The following RBFOX1 variants were observed in gnomAD, a reference collection of about 807,000 sequenced individuals.
RBFOX1 encodes the protein RNA binding fox-1 homolog 1.
In RBFOX1, 8 loss-of-function variants were observed where a neutral mutation model predicts 57.7. The observed-to-expected ratio is 0.14, with a 90% CI of 0.08 to 0.25. RBFOX1 has a LOEUF of 0.25. Ranked by LOEUF, RBFOX1 falls within the 10% of genes least tolerant of loss-of-function variation. The pLI is 1.00. For synonymous variants in RBFOX1, 326 were observed against 222.4 expected (o/e 1.47, Z -4.15); for missense variants, 611 against 548.5 (o/e 1.11, Z -1.14).
downstream of RBFOX1, among the ~76,000 whole-genome samples, chr16:5,603,943 C>T (rs2047463253): frequency 6.8e-6 from 1 of 147,970 alleles, no homozygotes; most frequent in Admixed American, 6.6e-5. Flanking sequence ...CCTCCTATAC[C>T]CAAGGCAGAC....
chr16:6,793,913 A>G (rs2083438605), intron 3 of RBFOX1, among the ~76,000 whole-genome samples: 1 of 152,160 alleles, frequency 6.6e-6, no homozygotes, highest in African/African-American at 2.4e-5. Context: ...CCTCTTGAGC[A>G]GTAGTCCAGG....
intron 4 of RBFOX1, among the ~76,000 whole-genome samples, chr16:7,090,476 C>T (rs961944438): frequency 3.3e-5 from 5 of 152,130 alleles, no homozygotes; most frequent in Non-Finnish European, 5.9e-5. Context: ...GCTTTGGAAT[C>T]GTATCAATTA....
chr16:6,101,218 T>C (rs935633254), intron 1 of RBFOX1, among the ~76,000 whole-genome samples: 2 of 152,198 alleles, frequency 1.3e-5, no homozygotes, highest in African/African-American at 4.8e-5. Flanking sequence ...ACCCACTCTC[T>C]CACTTTCCCC....
intron 3 of RBFOX1, among the ~76,000 whole-genome samples, chr16:6,898,883 A>T (rs562738948): frequency 1.7e-5 from 2 of 117,638 alleles, no homozygotes; most frequent in South Asian, 5.9e-4. Flanking sequence ...ACACGTGTAT[A>T]ATACGTGTGT....
At chr16:5,715,373 G>C (rs1354419911) in intron 3 of RBFOX1, among the ~76,000 whole-genome samples, 1 of 152,020 alleles carries the variant, frequency 6.6e-6, no homozygotes, top group African/African-American at 2.4e-5. Flanking sequence ...ACCATATATT[G>C]TCCACACTTA....
chr16:5,560,011 G>C (rs1454661902), intron 2 of RBFOX1, among the ~76,000 whole-genome samples: 1 of 152,156 alleles, frequency 6.6e-6, no homozygotes, highest in Non-Finnish European at 1.5e-5. Flanking sequence ...TGAAAAACGA[G>C]TGAATTTAGT....
At chr16:5,661,661 C>T (rs950269357) in intron 3 of RBFOX1, among the ~76,000 whole-genome samples, 4 of 152,318 alleles carry the variant, frequency 2.6e-5, no homozygotes, top group South Asian at 2.1e-4. Flanking sequence ...GGTCCTCACC[C>T]GTAGTTAGTT....
intron 4 of RBFOX1, among the ~76,000 whole-genome samples, chr16:7,191,678 T>C (rs534342656): frequency 2.0e-5 from 3 of 152,344 alleles, no homozygotes; most frequent in Admixed American, 6.5e-5. Flanking sequence ...CAGAAGGGCA[T>C]GCTCACGATT....
rs141537628 is a variant in RBFOX1, at chr16:5,528,317, G to A, written c.258+61063G>A. On this transcript the variant is annotated intron_variant, in intron 2 of 2. Transcript: ENST00000585867. ...ATTTCTGGCCCCCACCCTAGAGAGC[G>A]TGACTCAGTAGATCTGGGTTTAGAA... Among the ~76,000 whole-genome samples the A allele has an allele frequency of 5.2e-4, 79 of 152,186 alleles. 1 individual carries two copies. The East Asian group carries it at 0.012, about 24-fold the overall frequency.
At chr16:6,921,592 G>T (rs918221174) in intron 3 of RBFOX1, among the ~76,000 whole-genome samples, 1 of 150,952 alleles carries the variant, frequency 6.6e-6, no homozygotes, top group African/African-American at 2.4e-5. Context: ...AAGCAGTGGA[G>T]AAAGAATAAT....
chr16:6,050,093 G>C (rs2095537486), intron 1 of RBFOX1, among the ~76,000 whole-genome samples: 1 of 151,758 alleles, frequency 6.6e-6, no homozygotes, highest in South Asian at 2.1e-4. Context: ...TGAGTAGCTG[G>C]AACTGCAGGT....
chr16:6,565,998 T>C (rs2097260403), intron 2 of RBFOX1, among the ~76,000 whole-genome samples: 1 of 152,234 alleles, frequency 6.6e-6, no homozygotes, highest in Admixed American at 6.5e-5. Flanking sequence ...ACTCTATTTG[T>C]TCTTCATGCA....
At chr16:5,700,793 C>G (rs563787061) in intron 3 of RBFOX1, among the ~76,000 whole-genome samples, 2 of 152,144 alleles carry the variant, frequency 1.3e-5, no homozygotes, top group Non-Finnish European at 2.9e-5. Flanking sequence ...TGGATGAATT[C>G]TTCAGTTATC....
chr16:5,668,676 C>G (rs2049924551), intron 3 of RBFOX1, among the ~76,000 whole-genome samples: 1 of 152,148 alleles, frequency 6.6e-6, no homozygotes. Flanking sequence ...TCTCCTTTCC[C>G]CTATCATCAA....
At chr16:6,646,201 G>A (rs1416191549) in intron 2 of RBFOX1, among the ~76,000 whole-genome samples, 1 of 152,110 alleles carries the variant, frequency 6.6e-6, no homozygotes, top group Admixed American at 6.5e-5. Context: ...AACCCACCCA[G>A]AGACACCGGC....
chr16:7,589,242 T>C (rs2094305989), intron 7 of RBFOX1, among the ~76,000 whole-genome samples: 1 of 152,210 alleles, frequency 6.6e-6, no homozygotes, highest in Non-Finnish European at 1.5e-5. Flanking sequence ...TGTGTTGTTG[T>C]TGTTGTTTTT....
intron 2 of RBFOX1, among the ~76,000 whole-genome samples, chr16:5,482,065 C>A (rs2069562663): frequency 6.6e-6 from 1 of 152,126 alleles, no homozygotes; most frequent in South Asian, 2.1e-4. Context: ...TGACAGGGAC[C>A]CTGTCCAAGT....
At chr16:6,953,879 C>G (rs188449515) in intron 3 of RBFOX1, among the ~76,000 whole-genome samples, 1 of 152,270 alleles carries the variant, frequency 6.6e-6, no homozygotes, top group African/African-American at 2.4e-5. Context: ...CGGCCAAAGC[C>G]AGTTGTTGAC....
At chr16:6,387,192 G>T (rs934279014) in intron 2 of RBFOX1, among the ~76,000 whole-genome samples, 3 of 152,176 alleles carry the variant, frequency 2.0e-5, no homozygotes, top group Admixed American at 1.3e-4. Flanking sequence ...GGCAGTTCTT[G>T]TAAGTTCAAC....
Sources: allele counts gnomAD v4.1 joint callset (sites outside exome capture counted in the v4.1 genomes callset), GRCh38; gene constraint gnomAD v4.1.1; transcripts MANE v1.5; gene names NCBI Gene and HGNC (gene_info 2026-07-23, HGNC 2026-07-21).